Variants in NRXN2 observed in about 807,000 individuals in gnomAD.
NRXN2 encodes neurexin-2-beta.
A neutral mutation model predicts 128.8 loss-of-function variants in NRXN2; 29 were observed. The observed-to-expected ratio is 0.23, with a 90% CI of 0.17 to 0.31. The LOEUF (loss-of-function observed/expected upper bound fraction) is 0.31, where lower values mean the gene tolerates loss of function less well. Among genes scored for constraint, NRXN2 ranks in the 10% least tolerant of loss-of-function variants. The pLI is 1.00. For missense variants in NRXN2, 1,881 were observed against 2,452.6 expected (o/e 0.77, Z 4.92); for synonymous variants, 1,098 against 1,075.2 (o/e 1.02, Z -0.41).
At chr11:64,722,950 G>C (rs1389857924) in intron 1 of NRXN2, 21 bp downstream of exon 1, 2 of 51,806 alleles carry the variant, frequency 3.9e-5, no homozygotes, top group African/African-American at 2.5e-4. Context: ...CCGCCGCAGC[G>C]CCCCCCCCCC....
chr11:64,720,468 G>A (rs748101792), intron 1 of NRXN2, among the ~76,000 whole-genome samples: 15 of 152,232 alleles, frequency 9.9e-5, no homozygotes, highest in South Asian at 4.1e-4. Context: ...GGATTAATGC[G>A]GGGGGTGGGG....
At chr11:64,688,915 TGGC>T in intron 5 of NRXN2, 1 of 526,802 alleles carries the variant, frequency 1.9e-6, no homozygotes, top group Non-Finnish European at 2.4e-6. Context: ...TCTGCTCACT[TGGC>T]ACTTACTGCC....
chr11:64,631,881 G>A lies in NRXN2; in HGVS notation c.3586-1308C>T, dbSNP rs374098766. ...ACCTCCCAGCAGCACTCCTGAACGC[G>A]GTCTCAGCCCTCCTCCCACACGGAA... On this transcript the variant is annotated intron_variant, in intron 18 of 22. Transcript: ENST00000265459. The surrounding 1 kb of genome is among the most constrained non-coding windows in gnomAD (Gnocchi z 4.8). Among the ~76,000 whole-genome samples, 49 of 152,146 alleles carry A rather than the reference G, an allele frequency of 3.2e-4. No homozygotes were observed. The highest frequency in any genetic ancestry group is 1.0e-3 in the African/African-American group (43 of 41,416).
intron 19 of NRXN2, among the ~76,000 whole-genome samples, chr11:64,628,827 G>T (rs981778628): frequency 1.3e-5 from 2 of 152,182 alleles, no homozygotes; most frequent in African/African-American, 4.8e-5. Flanking sequence ...AGTGTAGGAG[G>T]GTTGGTGTGT....
rs1004043202 is a variant in NRXN2, at chr11:64,618,120, G to T, written c.4252+2174C>A. 2.6e-5 allele frequency among the ~76,000 whole-genome samples: 4 copies of T among 152,300 alleles called. No homozygotes were observed. The South Asian group carries it at 6.2e-4, about 24-fold the overall frequency. On this transcript the variant is annotated intron_variant, in intron 22 of 22. Transcript: ENST00000265459. ...TCCCTGACTGGGAACCAGCTGACCC[G>T]CCTGCTTCAGCGCCTCCTCACCCTC... is the stretch of plus-strand genomic sequence containing the variant.
chr11:64,629,465 T>G (rs532769185), intron 19 of NRXN2, among the ~76,000 whole-genome samples: 24 of 152,218 alleles, frequency 1.6e-4, no homozygotes, highest in Admixed American at 2.6e-4. Flanking sequence ...TATAGTTCAG[T>G]GCTATTTCCA....
intron 22 of NRXN2, 24 bp from the exon 23 acceptor site, chr11:64,608,106 AAG>A (rs755338796): frequency 6.4e-7 from 1 of 1,567,018 alleles, no homozygotes; most frequent in Non-Finnish European, 8.6e-7. Context: ...GAGAAGAGAA[AAG>A]AGAGGGCGTC....
rs1054289410 is a variant in NRXN2 at position 64,632,920 on chromosome 11, C to G, written c.3586-2347G>C. Among the ~76,000 whole-genome samples the G allele has an allele frequency of 1.8e-4, 28 of 152,238 alleles. No individual in the cohort carries two copies. The highest frequency in any genetic ancestry group is 6.8e-4 in the African/African-American group (28 of 41,454). On this transcript the variant is annotated intron_variant, in intron 18 of 22. Transcript: ENST00000265459. This position sits in a 1 kb window ranked among gnomAD's most constrained non-coding sequence, Gnocchi z 4.2. ...CTCTTATTTTGCTGCCGCCTCCCCA[C>G]TCTCTGAGAGCTGCTACTGACGCTG...
chr11:64,690,161 G>A (rs1401561896), intron 5 of NRXN2, among the ~76,000 whole-genome samples: 1 of 152,222 alleles, frequency 6.6e-6, no homozygotes, highest in Non-Finnish European at 1.5e-5. Context: ...AGATACCTGT[G>A]TTCTAGAAAG....
At position 64,626,478 on chromosome 11, in the gene NRXN2, A is replaced by G; in HGVS notation, c.3832T>C (p.Trp1278Arg). 6.2e-7 allele frequency: 1 copy of G among 1,611,812 alleles called. No individual in the cohort carries two copies. Among genetic ancestry groups the G allele is most frequent in the Non-Finnish European group, 8.5e-7 (1 of 1,177,916 alleles). ...GGTTAATTACCTTTGTCGAGCAGCC[A>G]CTCATCTACTACTCGACCAAGCCGG... ...PYRLGRVVDE[W>R]LLDKGRQLTI... Residue 1278 changes from tryptophan to arginine, a missense_variant, in exon 20 of 23, where the codon TGG (tryptophan) becomes CGG (arginine). Coordinates refer to ENST00000265459, the MANE Select transcript of NRXN2 (RefSeq NM_015080.4).
intron 17 of NRXN2, among the ~76,000 whole-genome samples, chr11:64,644,681 AAGG>A (rs1244300695): frequency 1.3e-5 from 2 of 151,988 alleles, no homozygotes; most frequent in Admixed American, 6.6e-5. Context: ...GGAGGAGGGA[AAGG>A]AGGAGAGAGG....
chr11:64,718,900 G>A (rs181060740), intron 1 of NRXN2, among the ~76,000 whole-genome samples: 37 of 152,266 alleles, frequency 2.4e-4, no homozygotes, highest in Admixed American at 1.7e-3. Context: ...AAACAAGACA[G>A]CACAGTGGTT....
At position 64,631,948 on chromosome 11, in the gene NRXN2, A is replaced by G. The variant is rs2043972326; in HGVS notation, c.3586-1375T>C. On this transcript the variant is annotated intron_variant, in intron 18 of 22. Transcript: ENST00000265459. This position sits in a 1 kb window ranked among gnomAD's most constrained non-coding sequence, Gnocchi z 4.8. Reference sequence around the variant, plus strand: ...TTCACTCAAACCCCCTGGCTCACACACTCTCAGGCACCCAACCCATCATAG... The same window carrying G: ...TTCACTCAAACCCCCTGGCTCACACGCTCTCAGGCACCCAACCCATCATAG... 6.6e-6 allele frequency among the ~76,000 whole-genome samples: 1 copy of G among 151,800 alleles called. No individual in the cohort carries two copies. Among genetic ancestry groups the G allele is most frequent in the Non-Finnish European group, 1.5e-5 (1 of 67,944 alleles).
intron 1 of NRXN2, among the ~76,000 whole-genome samples, chr11:64,716,917 T>C (rs1045366300): frequency 1.1e-4 from 17 of 152,068 alleles, no homozygotes; most frequent in African/African-American, 3.9e-4. Flanking sequence ...AACTTGCTGC[T>C]CTTCCCCTCG....
At chr11:64,703,180 CAA>C (rs1178460328) in intron 2 of NRXN2, among the ~76,000 whole-genome samples, 1 of 151,978 alleles carries the variant, frequency 6.6e-6, no homozygotes, top group Admixed American at 6.6e-5. Flanking sequence ...GTGAAATATC[CAA>C]AAGTGAGGAC....
At chr11:64,662,878 G>GAA (rs370049464) in intron 9 of NRXN2, among the ~76,000 whole-genome samples, 2 of 148,238 alleles carry the variant, frequency 1.3e-5, no homozygotes, top group Admixed American at 1.3e-4. Context: ...ATCCTAGTTA[G>GAA]AAAAAAAAAA....
intron 19 of NRXN2, among the ~76,000 whole-genome samples, chr11:64,626,993 G>A (rs909956000): frequency 3.3e-5 from 5 of 152,178 alleles, no homozygotes; most frequent in Non-Finnish European, 5.9e-5. Context: ...TTAGAGGGCG[G>A]TTTAGAAGTG....
At chr11:64,642,965 C>T (rs2045970544) in intron 17 of NRXN2, 2 of 1,018,086 alleles carry the variant, frequency 2.0e-6, no homozygotes, top group South Asian at 9.3e-5. Context: ...CCAACAAAAT[C>T]AACTGGATCC....
Position 64,661,166 on chromosome 11 carries a change from A to T in NRXN2, c.1799-27T>A, listed in dbSNP as rs571006332. On this transcript the variant is annotated intron_variant, in intron 9 of 22. Transcript: ENST00000265459. ...TGGGAATCAAGGGAAGGCAGGATGGAGAAAAGCCACAGGCCAGAAAGGGAC... is the reference window on the plus strand; with the variant it reads ...TGGGAATCAAGGGAAGGCAGGATGGTGAAAAGCCACAGGCCAGAAAGGGAC... 417 of 1,613,052 alleles carry T rather than the reference A, an allele frequency of 2.6e-4. 3 individuals are homozygous for T. In the Admixed American group the frequency reaches 6.7e-3, roughly 26 times the overall value.
Sources: gnomAD v4.1 joint callset for allele counts (sites outside exome capture counted in the v4.1 genomes callset) on GRCh38, gnomAD v4.1.1 for gene constraint, Gnocchi (gnomAD v3.1) non-coding constraint, MANE v1.5 for transcripts, NCBI Gene and HGNC (gene_info 2026-07-23, HGNC 2026-07-21) for gene names.